ARNT2: variants seen among roughly 807,000 people sequenced by gnomAD.
ARNT2 encodes ARNT protein 2.
ARNT2 carries 36 observed loss-of-function variants against 91.7 expected under a neutral mutation model. The observed-to-expected ratio is 0.39, with a 90% confidence interval of 0.30 to 0.52. The LOEUF is 0.52. ARNT2 is among the 20% of genes least tolerant of loss of function. The pLI, the probability that ARNT2 is intolerant of heterozygous loss-of-function variation, is 0.72. For synonymous variants in ARNT2, 365 were observed against 347.1 expected (o/e 1.05, Z -0.57); for missense variants, 775 against 939.3 (o/e 0.83, Z 2.29).
At chr15:80,580,293 T>A in intron 15 of ARNT2, 118 bp from the exon 16 acceptor site, 1 of 1,289,096 alleles carries the variant, frequency 7.8e-7, no homozygotes, top group Non-Finnish European at 1.1e-6. Flanking sequence ...TCTAGTGACG[T>A]GCTGCATGGA....
chr15:80,552,910 G>T, intron 10 of ARNT2, 136 bp downstream of exon 10: 1 of 1,085,936 alleles, frequency 9.2e-7, no homozygotes, highest in Non-Finnish European at 1.3e-6. Context: ...TGCCTAGATA[G>T]AACGATAGAT....
At chr15:80,577,409 AG>A (rs1370012526) in intron 15 of ARNT2, among the ~76,000 whole-genome samples, 1 of 152,258 alleles carries the variant, frequency 6.6e-6, no homozygotes, top group Non-Finnish European at 1.5e-5. Context: ...GGCTTCAGGC[AG>A]GGTGTCCAAC....
intron 6 of ARNT2, among the ~76,000 whole-genome samples, chr15:80,511,863 A>C (rs547442836): frequency 6.6e-6 from 1 of 152,134 alleles, no homozygotes; most frequent in Admixed American, 6.6e-5. Flanking sequence ...TTTCTGGAAA[A>C]AAGGAGTTAT....
At chr15:80,592,390 A>G (rs1213296624) in intron 18 of ARNT2, among the ~76,000 whole-genome samples, 1 of 152,198 alleles carries the variant, frequency 6.6e-6, no homozygotes, top group African/African-American at 2.4e-5. Flanking sequence ...GTACGAGCCC[A>G]TTAACTCCCC....
intron 1 of ARNT2, among the ~76,000 whole-genome samples, chr15:80,415,111 G>T (rs2141556571): frequency 1.3e-5 from 2 of 152,358 alleles, no homozygotes; most frequent in South Asian, 4.1e-4. Flanking sequence ...GGACCAGTGT[G>T]TGCCTTTTCC....
At chr15:80,514,127 A>G (rs527239673) in intron 7 of ARNT2, 151 bp downstream of exon 7, 392 of 962,970 alleles carry the variant, frequency 4.1e-4, no homozygotes, top group Admixed American at 5.6e-4. Flanking sequence ...ATGAGAGAGA[A>G]CAGGGAGTTG....
At chr15:80,483,995 T>C (rs1342440765) in intron 5 of ARNT2, among the ~76,000 whole-genome samples, 1 of 152,234 alleles carries the variant, frequency 6.6e-6, no homozygotes, top group Non-Finnish European at 1.5e-5. Context: ...GTATCAGTTC[T>C]GGAAAAAGAT....
chr15:80,415,747 TGA>T (rs1895771492), intron 1 of ARNT2, among the ~76,000 whole-genome samples: 1 of 151,994 alleles, frequency 6.6e-6, no homozygotes, highest in Admixed American at 6.6e-5. Context: ...ATATCAGAGA[TGA>T]GAGAGAGGGA....
At chr15:80,534,255 A>C (rs1427052718) in intron 8 of ARNT2, among the ~76,000 whole-genome samples, 1 of 152,154 alleles carries the variant, frequency 6.6e-6, no homozygotes, top group Non-Finnish European at 1.5e-5. Flanking sequence ...GTACAACGTG[A>C]GAAAATTTCC....
At chr15:80,546,655 T>A (rs939886518) in intron 8 of ARNT2, among the ~76,000 whole-genome samples, 1 of 152,122 alleles carries the variant, frequency 6.6e-6, no homozygotes, top group Non-Finnish European at 1.5e-5. Context: ...TTGGGTCTCA[T>A]AAATGTATGG....
rs182908016 is a variant in ARNT2 at position 80,537,211 on chromosome 15, C to T, written c.878-13988C>T. On this transcript the variant is annotated intron_variant, in intron 8 of 18. Coordinates refer to ENST00000303329, the MANE Select transcript of ARNT2 (RefSeq NM_014862.4). ...TTTGTATGGACTTTCTCACTTCCTG[C>T]GTTGTATTATGGCCATTTTTGCATC... Among the ~76,000 whole-genome samples, 243 of 152,228 alleles carry T rather than the reference C, an allele frequency of 1.6e-3. 1 individual carries two copies. Among genetic ancestry groups the T allele is most frequent in the Non-Finnish European group, 2.7e-3 (187 of 68,014 alleles).
intron 8 of ARNT2, among the ~76,000 whole-genome samples, chr15:80,537,340 C>T (rs764833537): frequency 2.6e-5 from 4 of 152,164 alleles, no homozygotes; most frequent in African/African-American, 4.8e-5. Context: ...TGGTGAATGG[C>T]GACTAAATTC....
At chr15:80,572,905 G>T (rs1898608618) in intron 12 of ARNT2, among the ~76,000 whole-genome samples, 1 of 152,198 alleles carries the variant, frequency 6.6e-6, no homozygotes, top group South Asian at 2.1e-4. Context: ...TGTCAGTGCT[G>T]TGGAATAGTC....
chr15:80,437,410 T>TA (rs777363935), intron 1 of ARNT2, among the ~76,000 whole-genome samples: 11 of 152,260 alleles, frequency 7.2e-5, no homozygotes, highest in Non-Finnish European at 1.3e-4. Flanking sequence ...CCCCGGTTTT[T>TA]ACTCTTTCCT....
intron 12 of ARNT2, among the ~76,000 whole-genome samples, chr15:80,567,945 A>G (rs1391843745): frequency 6.6e-6 from 1 of 152,196 alleles, no homozygotes; most frequent in Non-Finnish European, 1.5e-5. Context: ...TTATGGAAAG[A>G]TCCTTAAATG....
At chr15:80,442,894 C>T in intron 1 of ARNT2, 1 of 985,420 alleles carries the variant, frequency 1.0e-6, no homozygotes, top group Non-Finnish European at 1.2e-6. Context: ...GGATCTGACG[C>T]CGACACACTA....
intron 17 of ARNT2, among the ~76,000 whole-genome samples, chr15:80,590,895 G>A (rs968376411): frequency 1.3e-5 from 2 of 152,140 alleles, no homozygotes; most frequent in Non-Finnish European, 2.9e-5. Context: ...TCTGACCAGT[G>A]CCCAAATTTC....
intron 5 of ARNT2, 44 bp downstream of exon 5, chr15:80,475,267 A>T: frequency 6.2e-7 from 1 of 1,603,604 alleles, no homozygotes; most frequent in Non-Finnish European, 8.5e-7. Context: ...TCTAGAAAAC[A>T]TTCTTGGCTG....
At chr15:80,575,855 A>G (rs1266679738) in intron 14 of ARNT2, among the ~76,000 whole-genome samples, 2 of 152,188 alleles carry the variant, frequency 1.3e-5, no homozygotes, top group African/African-American at 4.8e-5. Flanking sequence ...GAGTGGGAAG[A>G]GCACTGGGCT....
Sources: allele counts gnomAD v4.1 joint callset (sites outside exome capture counted in the v4.1 genomes callset), GRCh38; gene constraint gnomAD v4.1.1; transcripts MANE v1.5; gene names NCBI Gene and HGNC (gene_info 2026-07-23, HGNC 2026-07-21).